Variants in MIPOL1 observed in about 807,000 individuals in gnomAD.
MIPOL1 encodes the protein mirror-image polydactyly gene 1 protein.
MIPOL1 carries 57 observed loss-of-function variants against 60.9 expected under a neutral mutation model. That is an observed-to-expected ratio of 0.94 (90% confidence interval 0.76 to 1.17). The LOEUF (loss-of-function observed/expected upper bound fraction) is 1.17. Among genes scored for constraint, MIPOL1 ranks in the 50% most tolerant of loss-of-function variants. The pLI, the probability that MIPOL1 is intolerant of heterozygous loss-of-function variation, is 0.00. For missense variants in MIPOL1, 551 were observed against 511.6 expected (o/e 1.08, Z -0.74); for synonymous variants, 179 against 168.8 (o/e 1.06, Z -0.47).
chr14:37,290,973 C>G (rs936354646), intron 7 of MIPOL1, among the ~76,000 whole-genome samples: 1 of 152,154 alleles, frequency 6.6e-6, no homozygotes, highest in Non-Finnish European at 1.5e-5. Context: ...ATTTAGTTTT[C>G]TGTTCTGGCA....
intron 7 of MIPOL1, among the ~76,000 whole-genome samples, chr14:37,288,096 C>T (rs983768597): frequency 1.3e-5 from 2 of 152,156 alleles, no homozygotes; most frequent in African/African-American, 4.8e-5. Context: ...CTGAAATACA[C>T]TTCTATTAGC....
chr14:37,205,770 C>T (rs1965984227), intron 1 of MIPOL1, among the ~76,000 whole-genome samples: 2 of 152,270 alleles, frequency 1.3e-5, no homozygotes, highest in Middle Eastern at 3.4e-3. Flanking sequence ...TTTCCAGCTT[C>T]ATCCATGTCC....
intron 1 of MIPOL1, among the ~76,000 whole-genome samples, chr14:37,204,502 T>C (rs1214088222): frequency 6.6e-6 from 1 of 152,142 alleles, no homozygotes; most frequent in African/African-American, 2.4e-5. Context: ...CATACCGTTC[T>C]CATGGTAGTG....
rs1306096797 is a variant in MIPOL1, at chr14:37,355,140, G to A, written c.829-14377G>A. Among the ~76,000 whole-genome samples, 5 of 149,870 alleles carry A rather than the reference G, an allele frequency of 3.3e-5. No homozygotes were observed. The South Asian group carries it at 1.1e-3, about 32-fold the overall frequency. On this transcript the variant is annotated intron_variant, in intron 9 of 12. Coordinates refer to ENST00000684589, the MANE Select transcript of MIPOL1 (RefSeq NM_001388067.1). The stretch of plus-strand genomic sequence containing the variant: ...CTCTCAGCATTTGCTTGTCTGTAAA[G>A]TATTTTATTTCTCCTTAGCTTATGA...
chr14:37,270,092 G>A lies in MIPOL1; in HGVS notation c.388-328G>A, dbSNP rs190891705. Among the ~76,000 whole-genome samples the A allele has an allele frequency of 5.9e-3, 892 of 152,172 alleles. 12 individuals are homozygous for A. The highest frequency in any genetic ancestry group is 0.02 in the African/African-American group (826 of 41,516). On this transcript the variant is annotated intron_variant, in intron 5 of 12. Coordinates refer to ENST00000684589, the MANE Select transcript of MIPOL1 (RefSeq NM_001388067.1). ...GATCTGCCCACCTCGGCCTCCCAAA[G>A]GGCTGGGATTACAGGCGTGAGCAAC... is the stretch of plus-strand genomic sequence containing the variant.
intron 11 of MIPOL1, among the ~76,000 whole-genome samples, chr14:37,461,725 G>C (rs559463960): frequency 1.3e-5 from 2 of 152,304 alleles, no homozygotes; most frequent in South Asian, 4.1e-4. Flanking sequence ...ACCCATGCAA[G>C]TCCAAAATCC....
chr14:37,327,652 T>C (rs1417322140), intron 9 of MIPOL1, among the ~76,000 whole-genome samples: 1 of 152,158 alleles, frequency 6.6e-6, no homozygotes, highest in Admixed American at 6.5e-5. Flanking sequence ...TTATAATGGG[T>C]TTATCCTGGG....
chr14:37,458,095 A>G (rs1594454755), intron 11 of MIPOL1, among the ~76,000 whole-genome samples: 3 of 152,322 alleles, frequency 2.0e-5, no homozygotes, highest in East Asian at 3.9e-4. Context: ...TAAAGTCATT[A>G]TATAATAATA....
chr14:37,351,047 A>C (rs1595312293), intron 9 of MIPOL1, among the ~76,000 whole-genome samples: 3 of 40,680 alleles, frequency 7.4e-5, no homozygotes, highest in African/African-American at 1.2e-4. Flanking sequence ...TCCCAATGCT[A>C]TCCCTCCCCC....
intron 10 of MIPOL1, among the ~76,000 whole-genome samples, chr14:37,415,389 G>T (rs1023447687): frequency 6.6e-6 from 1 of 151,990 alleles, no homozygotes; most frequent in African/African-American, 2.4e-5. Context: ...TTGGGAGGCC[G>T]AGGCAGGCGG....
intron 9 of MIPOL1, among the ~76,000 whole-genome samples, chr14:37,355,276 G>A (rs1456198073): frequency 8.9e-4 from 112 of 125,240 alleles, no homozygotes; most frequent in Admixed American, 1.4e-3. Flanking sequence ...TGAGAGATCT[G>A]CTGTTAGTCT....
At chr14:37,461,854 C>T (rs2094542676) in intron 11 of MIPOL1, among the ~76,000 whole-genome samples, 1 of 152,196 alleles carries the variant, frequency 6.6e-6, no homozygotes, top group East Asian at 1.9e-4. Context: ...CACCCTGTGA[C>T]TTTGCAGGGT....
rs1594953930 is a variant in MIPOL1 at position 37,550,664 on chromosome 14, A to T, written c.*3693A>T. The T allele has an allele frequency of 6.6e-6, 1 of 152,656 alleles. No homozygotes were observed. Among genetic ancestry groups the T allele is most frequent in the Middle Eastern group, 3.4e-3 (1 of 294 alleles). The allele number at this position is 152,656 out of a possible 1,614,324, so 9.5% of individuals were successfully genotyped here. On this transcript the variant is annotated 3_prime_UTR_variant, in exon 13 of 13. Coordinates refer to ENST00000684589, the MANE Select transcript of MIPOL1 (RefSeq NM_001388067.1). ...AACAAATACATGGAATGGTTGAAAG[A>T]TTTATTTTGCTCGTGCTTAGCTAAA... is the stretch of plus-strand genomic sequence containing the variant.
intron 1 of MIPOL1, among the ~76,000 whole-genome samples, chr14:37,225,428 C>G (rs959032641): frequency 2.6e-5 from 4 of 152,172 alleles, no homozygotes; most frequent in African/African-American, 9.7e-5. Flanking sequence ...TTCCCAAACC[C>G]CAATACTTGA....
At chr14:37,452,991 A>G (rs2094439234) in intron 11 of MIPOL1, among the ~76,000 whole-genome samples, 1 of 152,180 alleles carries the variant, frequency 6.6e-6, no homozygotes, top group Non-Finnish European at 1.5e-5. Context: ...ACCTTAGGCA[A>G]TGGTATTAAG....
At chr14:37,393,907 C>G (rs905191907) in intron 10 of MIPOL1, among the ~76,000 whole-genome samples, 1 of 149,266 alleles carries the variant, frequency 6.7e-6, no homozygotes, top group African/African-American at 2.5e-5. Flanking sequence ...CCTTTGTGTT[C>G]TCATAGCTTA....
At chr14:37,247,698 G>C in intron 2 of MIPOL1, 131 bp from the exon 3 acceptor site, 1 of 535,814 alleles carries the variant, frequency 1.9e-6, no homozygotes, top group Non-Finnish European at 3.3e-6. Context: ...GAAATTCTCA[G>C]TTAATTGTCC....
At chr14:37,299,707 T>A (rs2086195942) in intron 7 of MIPOL1, among the ~76,000 whole-genome samples, 1 of 152,138 alleles carries the variant, frequency 6.6e-6, no homozygotes, top group South Asian at 2.1e-4. Flanking sequence ...ATTGTTAACA[T>A]CTTAAATTAC....
intron 10 of MIPOL1, among the ~76,000 whole-genome samples, chr14:37,410,681 A>G (rs1383906305): frequency 1.3e-5 from 2 of 152,182 alleles, no homozygotes; most frequent in Non-Finnish European, 2.9e-5. Flanking sequence ...TTTTAAAAAT[A>G]GCAAATAAAT....
Sources: allele counts gnomAD v4.1 joint callset (sites outside exome capture counted in the v4.1 genomes callset), GRCh38; gene constraint gnomAD v4.1.1; transcripts MANE v1.5; gene names NCBI Gene and HGNC (gene_info 2026-07-23, HGNC 2026-07-21).